Variants in STX3 observed in about 807,000 individuals in gnomAD.
The protein encoded by STX3 is syntaxin-3.
Under a neutral mutation model 40.2 loss-of-function variants are expected in STX3, and 19 were observed. The ratio of observed to expected loss-of-function variants is 0.47; its 90% CI spans 0.33 to 0.69. The LOEUF (loss-of-function observed/expected upper bound fraction) is 0.69, where lower values mean the gene tolerates loss of function less well. Ranked by LOEUF, STX3 falls within the 30% of genes least tolerant of loss-of-function variation. STX3 has a pLI of 0.02. For synonymous variants in STX3, 122 were observed against 132.2 expected (o/e 0.92, Z 0.53); for missense variants, 364 against 366.7 (o/e 0.99, Z 0.06).
chr11:59,797,350 C>T lies in STX3; in HGVS notation c.854C>T (p.Ser285Phe). The T allele has an allele frequency of 1.2e-6, 2 of 1,614,034 alleles. No individual in the cohort carries two copies. Among genetic ancestry groups the T allele is most frequent in the Non-Finnish European group, 1.7e-6 (2 of 1,179,992 alleles). ...ATTTTAGCATTGATTATTGGACTTT[C>T]CGTTGGGCTGAATTAAGAGTGGCCT... Reference protein sequence around the residue: ...LGILALIIGLSVGLN With the variant: ...LGILALIIGLFVGLN Residue 285 changes from serine (S) to phenylalanine (F), a missense_variant, in exon 10 of 11, where the codon TCC becomes TTC. Coordinates refer to ENST00000337979, the MANE Select transcript of STX3 (RefSeq NM_004177.5).
At chr11:59,775,132 C>T (rs575373052) in intron 2 of STX3, among the ~76,000 whole-genome samples, 78 of 152,226 alleles carry the variant, frequency 5.1e-4, no homozygotes, top group Non-Finnish European at 2.9e-5. Flanking sequence ...CATGACGGTT[C>T]GTGCCCATTT....
chr11:59,758,268 T>G (rs529270), intron 1 of STX3, among the ~76,000 whole-genome samples: 18,980 of 151,990 alleles, frequency 0.12, 1,807 homozygotes, highest in African/African-American at 0.25. Flanking sequence ...TTGTTGGGAT[T>G]TTGAATGTTG....
At chr11:59,786,889 C>T (rs943617334) in intron 2 of STX3, 148 bp from the exon 3 acceptor site, 2 of 641,104 alleles carry the variant, frequency 3.1e-6, no homozygotes, top group Non-Finnish European at 5.5e-6. Flanking sequence ...AGGGTACTCA[C>T]TGGGCAGCTG....
intron 2 of STX3, among the ~76,000 whole-genome samples, chr11:59,778,860 G>T (rs1474673540): frequency 1.5e-5 from 2 of 131,932 alleles, no homozygotes; most frequent in African/African-American, 6.0e-5. Context: ...TGGGGATGAA[G>T]TTTCGCTCTT....
Position 59,775,808 on chromosome 11 carries a change from C to T in STX3, c.114+2514C>T, listed in dbSNP as rs1015650724. The stretch of plus-strand genomic sequence containing the variant: ...CAAGACCTTCAGGGCTGCTGCATTG[C>T]TTATTTCTTTCTCTTTGTTATGTGT... On this transcript the variant is annotated intron_variant, in intron 2 of 10. Coordinates refer to ENST00000337979, the MANE Select transcript of STX3 (RefSeq NM_004177.5). Among the ~76,000 whole-genome samples the T allele has an allele frequency of 7.9e-5, 12 of 152,290 alleles. No individual in the cohort carries two copies. The East Asian group carries it at 2.3e-3, about 29-fold the overall frequency.
Position 59,770,736 on chromosome 11 carries a change from C to T in STX3, c.31-2475C>T, listed in dbSNP as rs76714100. Among the ~76,000 whole-genome samples, 219 of 152,124 alleles carry T rather than the reference C, an allele frequency of 1.4e-3. 4 individuals are homozygous for T. In the East Asian group the frequency reaches 0.035, roughly 24 times the overall value. On this transcript the variant is annotated intron_variant, in intron 1 of 10. Coordinates refer to ENST00000337979, the MANE Select transcript of STX3 (RefSeq NM_004177.5). Reference sequence around the variant, plus strand: ...TATGCCTGGTTACAGGGTGAGCGCTCAGGAAATGTGGAATAAATTAATTAA... The same window carrying T: ...TATGCCTGGTTACAGGGTGAGCGCTTAGGAAATGTGGAATAAATTAATTAA...
chr11:59,799,871 T>G, intron 10 of STX3: 1 of 985,434 alleles, frequency 1.0e-6, no homozygotes. Context: ...GACTTTTTTG[T>G]ATGTGAACTT....
Position 59,755,560 on chromosome 11 carries a change from G to A in STX3, c.-46G>A, listed in dbSNP as rs751299728. ...CCTGGGAAGCGCTCACCTGGGACGC[G>A]CTCACCTGGGACGCGCTACCTGCCT... On this transcript the variant is annotated 5_prime_UTR_variant, in exon 1 of 11. Transcript: ENST00000337979. 53 of 1,587,804 alleles carry A rather than the reference G, an allele frequency of 3.3e-5. No homozygotes were observed. The highest frequency in any genetic ancestry group is 4.3e-5 in the Non-Finnish European group (50 of 1,174,810).
intron 2 of STX3, among the ~76,000 whole-genome samples, chr11:59,776,274 G>A (rs1008908727): frequency 1.3e-5 from 2 of 152,104 alleles, no homozygotes; most frequent in African/African-American, 4.8e-5. Flanking sequence ...CTAAACCCCA[G>A]TTTTCTCTAA....
At chr11:59,757,119 T>C (rs1862758114) in intron 1 of STX3, among the ~76,000 whole-genome samples, 1 of 152,144 alleles carries the variant, frequency 6.6e-6, no homozygotes, top group African/African-American at 2.4e-5. Context: ...CAGAATTTAT[T>C]GCCCCTGTTT....
intron 1 of STX3, among the ~76,000 whole-genome samples, chr11:59,762,467 T>C (rs980374269): frequency 2.0e-5 from 3 of 152,224 alleles, no homozygotes; most frequent in African/African-American, 7.2e-5. Flanking sequence ...GCACACATCT[T>C]AGAAGGATCC....
chr11:59,786,112 C>T (rs1864752126), intron 2 of STX3, among the ~76,000 whole-genome samples: 1 of 152,190 alleles, frequency 6.6e-6, no homozygotes, highest in Non-Finnish European at 1.5e-5. Flanking sequence ...CTACTGGGTC[C>T]TGATCGTCTG....
intron 8 of STX3, 36 bp from the exon 9 acceptor site, chr11:59,795,336 C>T (rs1436140021): frequency 1.3e-5 from 20 of 1,558,092 alleles, no homozygotes; most frequent in African/African-American, 8.1e-5. Flanking sequence ...TGACCTGAGA[C>T]GTTTACTTGG....
At chr11:59,786,340 C>T (rs1349273174) in intron 2 of STX3, among the ~76,000 whole-genome samples, 7 of 150,456 alleles carry the variant, frequency 4.7e-5, no homozygotes, top group African/African-American at 9.8e-5. Context: ...CCCGGGTTCA[C>T]GCCATTCTCC....
chr11:59,788,446 A>T (rs1864909421), intron 3 of STX3, among the ~76,000 whole-genome samples: 1 of 152,244 alleles, frequency 6.6e-6, no homozygotes, highest in African/African-American at 2.4e-5. Flanking sequence ...GGATGTGTGT[A>T]GTAGGTATGT....
chr11:59,797,333 A>C lies in STX3; in HGVS notation c.837A>C (p.Ala279=), dbSNP rs1865585371. The change falls in exon 10 of 11, where the codon GCA becomes GCC. Residue 279 remains alanine, a synonymous_variant. Transcript: ENST00000337979. ...VLVVVLLGIL[A]LIIGLSVGLN Reference sequence around the variant, plus strand: ...TAGTTGTGTTGCTGGGCATTTTAGCATTGATTATTGGACTTTCCGTTGGGC... The same window carrying C: ...TAGTTGTGTTGCTGGGCATTTTAGCCTTGATTATTGGACTTTCCGTTGGGC... 1.2e-6 allele frequency: 2 copies of C among 1,613,990 alleles called. No individual in the cohort carries two copies. Among genetic ancestry groups the C allele is most frequent in the Admixed American group, 1.7e-5 (1 of 60,006 alleles).
At position 59,797,406 on chromosome 11, in the gene STX3, C is replaced by T. The variant is rs74387997; in HGVS notation, c.*30+10C>T. On this transcript the variant is annotated intron_variant, in intron 10 of 10. Coordinates refer to ENST00000337979, the MANE Select transcript of STX3 (RefSeq NM_004177.5). ...GCTGCTGCACTGAAATGTAAGTAAA[C>T]GAGTGGTTCTTGGGGACTCTGGATT... 2,271 of 1,605,828 alleles carry T rather than the reference C, an allele frequency of 1.4e-3. 21 individuals carry two copies. In the African/African-American group the frequency reaches 0.025, roughly 18 times the overall value.
intron 2 of STX3, among the ~76,000 whole-genome samples, chr11:59,784,984 A>T (rs1379830747): frequency 6.6e-6 from 1 of 152,182 alleles, no homozygotes; most frequent in Non-Finnish European, 1.5e-5. Context: ...TGTGGAGGGC[A>T]CTATTTGCAT....
At chr11:59,781,924 G>T (rs920320907) in intron 2 of STX3, among the ~76,000 whole-genome samples, 4 of 152,140 alleles carry the variant, frequency 2.6e-5, no homozygotes, top group Admixed American at 6.6e-5. Flanking sequence ...TTGTCACCTC[G>T]CAATAAGTTT....
Sources: gnomAD v4.1 joint callset for allele counts (sites outside exome capture counted in the v4.1 genomes callset) on GRCh38, gnomAD v4.1.1 for gene constraint, MANE v1.5 for transcripts, NCBI Gene and HGNC (gene_info 2026-07-23, HGNC 2026-07-21) for gene names.